APBB1IP: variants seen among roughly 807,000 people sequenced by gnomAD.
The protein encoded by APBB1IP is amyloid beta A4 precursor protein-binding family B member 1-interacting protein.
In APBB1IP, 27 loss-of-function variants were observed where a neutral mutation model predicts 64.9. The observed-to-expected ratio is 0.42, with a 90% confidence interval of 0.31 to 0.57. The LOEUF is 0.57. Among genes scored for constraint, APBB1IP ranks in the 20% least tolerant of loss-of-function variants. The pLI is 0.20. For synonymous variants in APBB1IP, 392 were observed against 331.0 expected (o/e 1.18, Z -2.00); for missense variants, 812 against 845.5 (o/e 0.96, Z 0.49).
At chr10:26,476,224 A>C (rs1427583563) in intron 2 of APBB1IP, among the ~76,000 whole-genome samples, 1 of 151,864 alleles carries the variant, frequency 6.6e-6, no homozygotes, top group Non-Finnish European at 1.5e-5. Context: ...ACGCCTGGCT[A>C]ATTTTTATAT....
At chr10:26,501,332 G>T (rs1405148073) in intron 5 of APBB1IP, 3 of 583,474 alleles carry the variant, frequency 5.1e-6, no homozygotes, top group Non-Finnish European at 8.7e-6. Context: ...AGGATTTACT[G>T]TAGTTTGCTT....
At chr10:26,453,911 G>A (rs1835492628) in intron 2 of APBB1IP, among the ~76,000 whole-genome samples, 3 of 152,196 alleles carry the variant, frequency 2.0e-5, no homozygotes, top group Admixed American at 2.0e-4. Context: ...AAAGATATCT[G>A]CGCTTCTGTG....
At position 26,554,195 on chromosome 10, in the gene APBB1IP, A is replaced by C. The variant is rs916058618; in HGVS notation, c.1156-5910A>C. ...TCCCTCAAGGATGAATGGCACCATC[A>C]CCTACTCTATTCGTTTTCTGGAGCT... On this transcript the variant is annotated intron_variant, in intron 11 of 14. Transcript: ENST00000376236. Among the ~76,000 whole-genome samples, 5 of 152,234 alleles carry C rather than the reference A, an allele frequency of 3.3e-5. No homozygotes were observed. In the South Asian group the frequency reaches 8.3e-4, roughly 25 times the overall value.
intron 8 of APBB1IP, among the ~76,000 whole-genome samples, chr10:26,514,567 C>T (rs139194144): frequency 1.5e-4 from 23 of 152,242 alleles, no homozygotes; most frequent in African/African-American, 5.5e-4. Flanking sequence ...ACTGTGGCCT[C>T]AAGCAACTAT....
intron 5 of APBB1IP, 57 bp from the exon 6 acceptor site, chr10:26,503,140 A>G: frequency 6.5e-7 from 1 of 1,536,616 alleles, no homozygotes; most frequent in Non-Finnish European, 9.0e-7. Flanking sequence ...GACAGAAGTG[A>G]TTACTCACTG....
chr10:26,480,689 A>T (rs1835825142), intron 2 of APBB1IP, among the ~76,000 whole-genome samples: 1 of 135,666 alleles, frequency 7.4e-6, no homozygotes, highest in South Asian at 2.3e-4. Context: ...CTGGTCTCTA[A>T]CTCCTGGGCT....
In APBB1IP at chr10:26,488,747, G is replaced by A. The variant is rs370440551; in HGVS notation, c.1-3580G>A. Among the ~76,000 whole-genome samples, 111 of 152,246 alleles carry A rather than the reference G, an allele frequency of 7.3e-4. 1 individual carries two copies. The Middle Eastern group carries it at 0.01, about 14-fold the overall frequency. On this transcript the variant is annotated intron_variant, in intron 2 of 14. Transcript: ENST00000376236. Reference sequence around the variant, plus strand: ...ATAGGACAAGGATCTTCCATCATCCGTCACTGATGCTGTGTTTGATTCCTC... The same window carrying A: ...ATAGGACAAGGATCTTCCATCATCCATCACTGATGCTGTGTTTGATTCCTC...
intron 2 of APBB1IP, among the ~76,000 whole-genome samples, chr10:26,439,393 T>C (rs1369306439): frequency 1.3e-5 from 2 of 152,202 alleles, no homozygotes; most frequent in East Asian, 1.9e-4. Flanking sequence ...TTTTTAAAAA[T>C]AACTTTTTCC....
chr10:26,524,950 TCTTTC>T, intron 8 of APBB1IP, among the ~76,000 whole-genome samples: 3 of 101,796 alleles, frequency 2.9e-5, no homozygotes, highest in Non-Finnish European at 6.1e-5. Context: ...TCTCTTTCTT[TCTTTC>T]TTTTTTTTTT....
intron 2 of APBB1IP, among the ~76,000 whole-genome samples, chr10:26,446,440 G>T (rs1835399089): frequency 6.6e-6 from 1 of 152,180 alleles, no homozygotes. Context: ...AAATGAAGCT[G>T]CTTGGGCCAT....
intron 2 of APBB1IP, among the ~76,000 whole-genome samples, chr10:26,445,129 AAAGAAAG>A (rs761231904): frequency 0.16 from 11,278 of 68,782 alleles, 762 homozygotes; most frequent in South Asian, 0.22. Flanking sequence ...GAAAGAAAGA[AAAGAAAG>A]AAAGAAAGAA....
chr10:26,540,711 A>C (rs1383972459), intron 10 of APBB1IP, among the ~76,000 whole-genome samples: 1 of 152,206 alleles, frequency 6.6e-6, no homozygotes, highest in Non-Finnish European at 1.5e-5. Context: ...CAAAAAACTA[A>C]TGGAACACAT....
At chr10:26,522,364 T>C (rs912098512) in intron 8 of APBB1IP, among the ~76,000 whole-genome samples, 12 of 152,306 alleles carry the variant, frequency 7.9e-5, no homozygotes, top group Admixed American at 4.6e-4. Context: ...TGAATCTACA[T>C]TGACACGTTA....
chr10:26,533,931 C>T (rs117127176), intron 9 of APBB1IP, among the ~76,000 whole-genome samples: 2 of 152,004 alleles, frequency 1.3e-5, no homozygotes, highest in East Asian at 1.9e-4. Context: ...TTACAGGAGG[C>T]GGCTCTGCCT....
At chr10:26,474,081 T>G (rs146154905) in intron 2 of APBB1IP, among the ~76,000 whole-genome samples, 1,858 of 107,296 alleles carry the variant, frequency 0.017, 13 homozygotes, top group Non-Finnish European at 0.026. Context: ...TTTCAGTGAT[T>G]TTTTTTAATG....
chr10:26,560,010 T>C, intron 11 of APBB1IP, 95 bp from the exon 12 acceptor site: 1 of 1,013,048 alleles, frequency 9.9e-7, no homozygotes, highest in Non-Finnish European at 1.6e-6. Context: ...AAATCACATA[T>C]ATTGTTAGAG....
intron 5 of APBB1IP, among the ~76,000 whole-genome samples, chr10:26,502,492 A>G (rs1178603364): frequency 6.6e-6 from 1 of 152,168 alleles, no homozygotes; most frequent in Non-Finnish European, 1.5e-5. Context: ...ATACAAAAAA[A>G]TTAGCCAGGC....
At chr10:26,559,441 G>A (rs1292669575) in intron 11 of APBB1IP, among the ~76,000 whole-genome samples, 1 of 151,780 alleles carries the variant, frequency 6.6e-6, no homozygotes, top group Non-Finnish European at 1.5e-5. Flanking sequence ...GCTGGACATG[G>A]TGGTGTGCAC....
chr10:26,566,392 C>T (rs1456885556), intron 14 of APBB1IP, among the ~76,000 whole-genome samples: 2 of 152,134 alleles, frequency 1.3e-5, no homozygotes, highest in Non-Finnish European at 2.9e-5. Context: ...GTAGCCGGGA[C>T]TACGGGCGTC....
Sources: gnomAD v4.1 joint callset for allele counts (sites outside exome capture counted in the v4.1 genomes callset) on GRCh38, gnomAD v4.1.1 for gene constraint, MANE v1.5 for transcripts, NCBI Gene and HGNC (gene_info 2026-07-23, HGNC 2026-07-21) for gene names.